The following FSIP2 variants were observed in gnomAD, a reference collection of about 807,000 sequenced individuals.
FSIP2 encodes the protein fibrous sheath interacting protein 2.
FSIP2 carries 367 observed loss-of-function variants against 510.5 expected under a neutral mutation model. That is an observed-to-expected ratio of 0.72 (90% CI 0.66 to 0.78). The LOEUF is 0.78. Among genes scored for constraint, FSIP2 ranks in the 30% least tolerant of loss-of-function variants. FSIP2 has a pLI of 0.00. For synonymous variants in FSIP2, 2,601 were observed against 2,732.2 expected, an observed-to-expected ratio of 0.95 and a Z score of 1.50; for missense variants, 7,594 against 7,901.7, an observed-to-expected ratio of 0.96 and a Z score of 1.48.
In FSIP2 at chr2:185,796,996, A is replaced by C; in HGVS notation, c.9860A>C (p.Gln3287Pro). ...GACTCCACAGAAGCAGCATTAAAGCAAGTCTTGTCATTCATAGAAATGGGA... is the reference window on the plus strand; with the variant it reads ...GACTCCACAGAAGCAGCATTAAAGCCAGTCTTGTCATTCATAGAAATGGGA... Reference protein sequence around the residue: ...ASDSTEAALKQVLSFIEMGKG... With the variant: ...ASDSTEAALKPVLSFIEMGKG... The change falls in exon 16 of 23, where the codon CAA becomes CCA. Residue 3287 changes from glutamine to proline, a missense_variant. By Grantham distance (76) the Gln-to-Pro change is moderately conservative. Coordinates refer to ENST00000424728, the MANE Select transcript of FSIP2 (RefSeq NM_173651.4). The C allele has an allele frequency of 1.3e-6, 2 of 1,535,152 alleles. No homozygotes were observed. Among genetic ancestry groups the C allele is most frequent in the Non-Finnish European group, 1.7e-6 (2 of 1,146,252 alleles).
intron 6 of FSIP2, 37 bp from the exon 7 acceptor site, chr2:185,747,276 G>T (rs946692934): frequency 1.8e-6 from 2 of 1,122,446 alleles, no homozygotes; most frequent in South Asian, 2.7e-5. Context: ...GTTGTGAAAG[G>T]CACACACACC....
intron 9 of FSIP2, among the ~76,000 whole-genome samples, chr2:185,758,488 A>G (rs1322518892): frequency 6.6e-6 from 1 of 151,398 alleles, no homozygotes; most frequent in Non-Finnish European, 1.5e-5. Context: ...AAAGTAAACT[A>G]TAGAAAAGAA....
At position 185,796,543 on chromosome 2, in the gene FSIP2, T is replaced by C. The variant is rs1305027270; in HGVS notation, c.9407T>C (p.Leu3136Ser). Residue 3136 changes from leucine to serine, a missense_variant, in exon 16 of 23, where the codon TTG (leucine) becomes TCG (serine). Transcript: ENST00000424728. ...MDQCTYFNES[L>S]IQNLSRESLF... is the part of the protein sequence containing the mutation. Reference sequence around the variant, plus strand: ...CAGTGTACTTATTTCAATGAGTCTTTGATACAAAACCTTTCAAGAGAAAGT... The same window carrying C: ...CAGTGTACTTATTTCAATGAGTCTTCGATACAAAACCTTTCAAGAGAAAGT... 6.5e-7 allele frequency: 1 copy of C among 1,535,012 alleles called. No individual in the cohort carries two copies. The highest frequency in any genetic ancestry group is 1.4e-5 in the African/African-American group (1 of 72,916).
At position 185,779,668 on chromosome 2, in the gene FSIP2, TTTC is replaced by T. The variant is rs537718871; in HGVS notation, c.1412-3034_1412-3032del. ...TTAAAGGTTTTATCAGTCAAATTGCTTTCTTATTATTGTTTTATACAGATTTTA... is the reference window on the plus strand; with the variant it reads ...TTAAAGGTTTTATCAGTCAAATTGCTTTATTATTGTTTTATACAGATTTTA... On this transcript the variant is annotated intron_variant, in intron 13 of 22. Transcript: ENST00000424728. Among the ~76,000 whole-genome samples, 853 of 152,272 alleles carry T rather than the reference TTTC, an allele frequency of 5.6e-3. 5 individuals carry two copies. The highest frequency in any genetic ancestry group is 0.015 in the South Asian group (74 of 4,824).
chr2:185,764,287 A>C (rs1240308359), intron 12 of FSIP2, among the ~76,000 whole-genome samples: 1 of 151,796 alleles, frequency 6.6e-6, no homozygotes, highest in African/African-American at 2.4e-5. Flanking sequence ...GGTGGTTTTA[A>C]GTACAACTTT....
intron 13 of FSIP2, 92 bp downstream of exon 13, chr2:185,764,657 G>C: frequency 1.1e-6 from 1 of 896,718 alleles, no homozygotes; most frequent in Non-Finnish European, 1.7e-6. Context: ...GTTAGATATG[G>C]TGCTAAGTTT....
Position 185,763,293 on chromosome 2 carries a change from T to G in FSIP2, c.1347+4T>G. 8.0e-6 allele frequency: 10 copies of G among 1,250,014 alleles called. No homozygotes were observed. Among genetic ancestry groups the G allele is most frequent in the Non-Finnish European group, 1.1e-5 (10 of 886,316 alleles). 77.4% of individuals were successfully genotyped at this position (1,250,014 alleles called of 1,614,324 possible). ...TTTGGATCCTTCAAAAGAAGAGGTA[T>G]ATAACAGTTCTTTTACCCCAAATAC... On this transcript the variant is annotated splice_donor_region_variant and intron_variant, in intron 12 of 22. Transcript: ENST00000424728.
At position 185,804,979 on chromosome 2, in the gene FSIP2, G is replaced by C. The variant is rs1025180673; in HGVS notation, c.15673G>C (p.Gly5225Arg). The C allele has an allele frequency of 2.6e-6, 4 of 1,552,588 alleles. No homozygotes were observed. Among genetic ancestry groups the C allele is most frequent in the Non-Finnish European group, 3.5e-6 (4 of 1,154,516 alleles). The change falls in exon 17 of 23, where the codon GGT becomes CGT. Residue 5225 changes from glycine to arginine, a missense_variant. By Grantham distance (125) the Gly-to-Arg change is moderately radical (BLOSUM62 -2). Transcript: ENST00000424728. ...ATGCTCATTCCTCAGTAAATTAGCT[G>C]GTTTTATTATGAAAGAAATCATGTA... is the stretch of plus-strand genomic sequence containing the variant. ...KGCSFLSKLAGFIMKEIMYHH... is the reference protein window; with the variant it reads ...KGCSFLSKLARFIMKEIMYHH...
chr2:185,817,447 G>A (rs1022867865), intron 19 of FSIP2, among the ~76,000 whole-genome samples: 1 of 151,936 alleles, frequency 6.6e-6, no homozygotes, highest in Non-Finnish European at 1.5e-5. Flanking sequence ...GTGACTCTTT[G>A]GGAAATTAAA....
At chr2:185,833,048 C>A (rs2105511531) in intron 22 of FSIP2, 42 bp from the exon 23 acceptor site, 2 of 1,595,580 alleles carry the variant, frequency 1.3e-6, no homozygotes, top group East Asian at 2.2e-5. Flanking sequence ...CCTCAGTGTT[C>A]AAAAATAAAG....
At chr2:185,782,812 A>C in intron 14 of FSIP2, 50 bp downstream of exon 14, 1 of 934,410 alleles carries the variant, frequency 1.1e-6, no homozygotes, top group Middle Eastern at 3.0e-4. Flanking sequence ...TAATGATTAC[A>C]TAAGAGTGCT....
In FSIP2 at chr2:185,801,771, T is replaced by G. The variant is rs1361165066; in HGVS notation, c.12465T>G (p.Ile4155Met). 1.3e-6 allele frequency: 2 copies of G among 1,518,120 alleles called. No individual in the cohort carries two copies. The highest frequency in any genetic ancestry group is 4.9e-5 in the East Asian group (2 of 40,766). The allele number at this position is 1,518,120 out of a possible 1,614,324, so 94.0% of individuals were successfully genotyped here. A position where few individuals can be genotyped will look rare whatever the true frequency, so the allele number is the denominator to read the frequency against. Residue 4155 changes from isoleucine (I) to methionine (M), a missense_variant, in exon 17 of 23, where the codon ATT becomes ATG. Transcript: ENST00000424728. ...DVIRRLLSQL[I>M]PPPITCSSLG... ...TAAGAAGGCTTTTATCTCAGCTAAT[T>G]CCTCCACCCATTACATGTTCCTCTT...
In FSIP2 at chr2:185,806,747, A is replaced by C; in HGVS notation, c.17441A>C (p.Asn5814Thr). The change falls in exon 17 of 23, where the codon AAT (asparagine) becomes ACT (threonine). Residue 5814 changes from asparagine to threonine, a missense_variant. Coordinates refer to ENST00000424728, the MANE Select transcript of FSIP2 (RefSeq NM_173651.4). Reference sequence around the variant, plus strand: ...ACACAAATACAAGATAGATGTCAAAATGTTAGTGATAAGCAAAATCAAGCC... The same window carrying C: ...ACACAAATACAAGATAGATGTCAAACTGTTAGTGATAAGCAAAATCAAGCC... ...PETQIQDRCQ[N>T]VSDKQNQAKL... 2 of 1,611,802 alleles carry C rather than the reference A, an allele frequency of 1.2e-6. No individual in the cohort carries two copies. The highest frequency in any genetic ancestry group is 2.2e-5 in the South Asian group (2 of 90,928).
In FSIP2 at chr2:185,808,630, G is replaced by T. The variant is rs771036285; in HGVS notation, c.19324G>T (p.Asp6442Tyr). The T allele has an allele frequency of 6.2e-7, 1 of 1,601,748 alleles. No homozygotes were observed. Among genetic ancestry groups the T allele is most frequent in the Non-Finnish European group, 8.5e-7 (1 of 1,174,364 alleles). ...AGGAACCAACAAAGAATTTTATTAT[G>T]ATATAAAAGATACAAATACAGCCTT... ...QSGTNKEFYYDIKDTNTAFPK... is the reference protein window; with the variant it reads ...QSGTNKEFYYYIKDTNTAFPK... Residue 6442 changes from aspartate (D) to tyrosine (Y), a missense_variant, in exon 17 of 23, where the codon GAT (aspartate) becomes TAT (tyrosine). Transcript: ENST00000424728.
Position 185,815,490 on chromosome 2 carries a change from G to T in FSIP2, c.20426+19G>T. 8.9e-7 allele frequency: 1 copy of T among 1,128,210 alleles called. No individual in the cohort carries two copies. Among genetic ancestry groups the T allele is most frequent in the Non-Finnish European group, 1.3e-6 (1 of 777,958 alleles). The allele number at this position is 1,128,210 out of a possible 1,614,324, so 69.9% of individuals were successfully genotyped here. Reference sequence around the variant, plus strand: ...CTACTGGGTATATGAAATTAAAGCAGTAGAAATATAGAAATCTGATAAAGT... The same window carrying T: ...CTACTGGGTATATGAAATTAAAGCATTAGAAATATAGAAATCTGATAAAGT... On this transcript the variant is annotated intron_variant, in intron 19 of 22. Coordinates refer to ENST00000424728, the MANE Select transcript of FSIP2 (RefSeq NM_173651.4).
chr2:185,743,146 C>A lies in FSIP2; in HGVS notation c.239C>A (p.Ser80Tyr). Residue 80 changes from serine to tyrosine, a missense_variant, in exon 3 of 23, where the codon TCT (serine) becomes TAT (tyrosine). Ser to Tyr is a moderately radical substitution (Grantham distance 144). Transcript: ENST00000424728. ...TNFGEKLFRP[S>Y]YGFNLTDPYC... ...CTGTGTTTGCAGCTTTTTCGACCTT[C>A]TTATGGTTTTAACCTGACTGATCCC... 3.4e-6 allele frequency: 5 copies of A among 1,486,690 alleles called. No individual in the cohort carries two copies. The highest frequency in any genetic ancestry group is 1.3e-5 in the South Asian group (1 of 74,944). The allele number at this position is 1,486,690 out of a possible 1,614,324, so 92.1% of individuals were successfully genotyped here.
At position 185,805,184 on chromosome 2, in the gene FSIP2, T is replaced by G; in HGVS notation, c.15878T>G (p.Ile5293Ser). ...DLVHKFCSLL[I>S]ITEDSKKNEM... ...GTTCACAAATTTTGTTCTCTCCTCA[T>G]TATTACTGAAGATTCTAAGAAAAAT... Residue 5293 changes from isoleucine (I) to serine (S), a missense_variant, in exon 17 of 23, where the codon ATT becomes AGT. Transcript: ENST00000424728. 6 of 1,608,402 alleles carry G rather than the reference T, an allele frequency of 3.7e-6. No individual in the cohort carries two copies. The highest frequency in any genetic ancestry group is 5.1e-6 in the Non-Finnish European group (6 of 1,177,364).
intron 13 of FSIP2, among the ~76,000 whole-genome samples, chr2:185,773,043 T>C (rs941028517): frequency 1.3e-5 from 2 of 151,902 alleles, no homozygotes; most frequent in Non-Finnish European, 2.9e-5. Context: ...ATTTTTTTAG[T>C]ACAGATGGGG....
chr2:185,826,608 T>C (rs889908823), intron 20 of FSIP2, among the ~76,000 whole-genome samples: 2 of 151,796 alleles, frequency 1.3e-5, no homozygotes, highest in African/African-American at 4.8e-5. Flanking sequence ...CTTTCTGTTA[T>C]ACTGTGTATT....
Sources: allele counts gnomAD v4.1 joint callset (sites outside exome capture counted in the v4.1 genomes callset), GRCh38; gene constraint gnomAD v4.1.1; transcripts MANE v1.5; gene names NCBI Gene and HGNC (gene_info 2026-07-23, HGNC 2026-07-21).